The following PKIB variants were observed in gnomAD, a reference collection of about 807,000 sequenced individuals.
The protein encoded by PKIB is cAMP-dependent protein kinase inhibitor beta.
A neutral mutation model predicts 4.5 loss-of-function variants in PKIB; 2 were observed. The observed-to-expected ratio is 0.44, with a 90% CI of 0.18 to 1.39. The LOEUF (loss-of-function observed/expected upper bound fraction) is 1.39. Ranked by LOEUF, PKIB falls within the 40% of genes most tolerant of loss-of-function variation. The probability of loss-of-function intolerance (pLI) is 0.27; values close to 1 mark genes in which losing one functional copy is unlikely to be tolerated. For missense variants in PKIB, 94 were observed against 92.6 expected, an observed-to-expected ratio of 1.02 and a Z score of -0.06; for synonymous variants, 38 against 36.0, an observed-to-expected ratio of 1.06 and a Z score of -0.20.
At chr6:122,476,415 T>C (rs972811804) in intron 1 of PKIB, among the ~76,000 whole-genome samples, 3 of 152,162 alleles carry the variant, frequency 2.0e-5, no homozygotes, top group African/African-American at 7.2e-5. Context: ...TTGATAGTTT[T>C]GGAAAATAAT....
chr6:122,488,625 G>A lies in PKIB; in HGVS notation c.-248+10686G>A, dbSNP rs147230700. ...TTGTATTTTTTTTTTGTAGAAATGG[G>A]GTTTTGCCATGTTGCCCAGGCTGTT... On this transcript the variant is annotated intron_variant, in intron 2 of 6. Coordinates refer to the PKIB transcript ENST00000392491. Among the ~76,000 whole-genome samples the A allele has an allele frequency of 4.0e-4, 61 of 152,106 alleles. 1 individual carries two copies. Among genetic ancestry groups the A allele is most frequent in the African/African-American group, 1.3e-3 (53 of 41,486 alleles).
chr6:122,602,424 C>T (rs1774398424), intron 3 of PKIB, among the ~76,000 whole-genome samples: 1 of 152,156 alleles, frequency 6.6e-6, no homozygotes, highest in African/African-American at 2.4e-5. Flanking sequence ...ATCTTAGCCT[C>T]AATGTTCTGA....
At chr6:122,722,733 G>A (rs1426412753) in intron 4 of PKIB, among the ~76,000 whole-genome samples, 2 of 152,108 alleles carry the variant, frequency 1.3e-5, no homozygotes, top group African/African-American at 2.4e-5. Flanking sequence ...GATTGTTAGG[G>A]TGCAAATTCT....
In PKIB at chr6:122,589,734, T is replaced by A. The variant is rs979454001; in HGVS notation, c.-161+3727T>A. On this transcript the variant is annotated intron_variant, in intron 3 of 6. Transcript: ENST00000392491. ...CTCATGTTTCACAAAGCAGATAACA[T>A]AAATAAGTTATTGATATTTCATTAT... is the stretch of plus-strand genomic sequence containing the variant. 2.0e-5 allele frequency among the ~76,000 whole-genome samples: 3 copies of A among 151,964 alleles called. No homozygotes were observed. The East Asian group carries it at 5.8e-4, about 29-fold the overall frequency.
At chr6:122,495,191 A>G (rs1582657211) in intron 2 of PKIB, among the ~76,000 whole-genome samples, 1 of 152,120 alleles carries the variant, frequency 6.6e-6, no homozygotes, top group African/African-American at 2.4e-5. Flanking sequence ...GTAATAGACA[A>G]GGTTTAGCAC....
chr6:122,657,350 A>C (rs191268625), intron 2 of PKIB, among the ~76,000 whole-genome samples: 1 of 152,210 alleles, frequency 6.6e-6, no homozygotes, highest in Admixed American at 6.5e-5. Context: ...AAATGTGCAC[A>C]TTTTTTCAAA....
chr6:122,663,144 T>G (rs1399791613), intron 2 of PKIB, among the ~76,000 whole-genome samples: 3 of 152,298 alleles, frequency 2.0e-5, no homozygotes, highest in South Asian at 4.1e-4. Flanking sequence ...GATCATGAGA[T>G]GACACCTAAA....
intron 2 of PKIB, among the ~76,000 whole-genome samples, chr6:122,579,842 C>T (rs1290671454): frequency 6.6e-6 from 1 of 152,124 alleles, no homozygotes; most frequent in Non-Finnish European, 1.5e-5. Flanking sequence ...TTATCTGCAC[C>T]TTGACACAAT....
At chr6:122,702,390 C>T (rs920751653) in intron 3 of PKIB, among the ~76,000 whole-genome samples, 2 of 137,268 alleles carry the variant, frequency 1.5e-5, no homozygotes, top group East Asian at 4.4e-4. Flanking sequence ...AGTGCAGTGG[C>T]GTGACCTCGG....
intron 2 of PKIB, among the ~76,000 whole-genome samples, chr6:122,493,669 A>AC (rs1378527084): frequency 2.0e-5 from 3 of 152,084 alleles, no homozygotes; most frequent in Non-Finnish European, 4.4e-5. Flanking sequence ...TTCTTCCATG[A>AC]CCCTGTGAAC....
intron 1 of PKIB, among the ~76,000 whole-genome samples, chr6:122,631,514 TAAAC>T (rs754210267): frequency 3.3e-5 from 5 of 152,202 alleles, no homozygotes; most frequent in Non-Finnish European, 7.3e-5. Context: ...AATTTAGTGT[TAAAC>T]AAAGGAAGCA....
chr6:122,720,767 T>C (rs1385421582), intron 4 of PKIB, among the ~76,000 whole-genome samples: 2 of 152,098 alleles, frequency 1.3e-5, no homozygotes, highest in South Asian at 2.1e-4. Flanking sequence ...AATGGCGTCA[T>C]CTTGGTTCGC....
intron 1 of PKIB, among the ~76,000 whole-genome samples, chr6:122,477,052 T>C (rs1775466791): frequency 6.6e-6 from 1 of 152,216 alleles, no homozygotes; most frequent in South Asian, 2.1e-4. Context: ...ATGAAATTAA[T>C]TTTAAAGATG....
intron 3 of PKIB, chr6:122,701,500 G>T (rs1778811791): frequency 6.3e-7 from 1 of 1,596,512 alleles, no homozygotes; most frequent in Non-Finnish European, 8.5e-7. Context: ...GTCACACCAG[G>T]GTATAGTTAA....
intron 2 of PKIB, among the ~76,000 whole-genome samples, chr6:122,558,421 GTGGATTC>G (rs1772911321): frequency 6.6e-6 from 1 of 152,140 alleles, no homozygotes; most frequent in South Asian, 2.1e-4. Flanking sequence ...AGCAGCAATT[GTGGATTC>G]TACTAGTGAA....
At chr6:122,498,590 T>C (rs1338078205) in intron 2 of PKIB, among the ~76,000 whole-genome samples, 3 of 152,236 alleles carry the variant, frequency 2.0e-5, no homozygotes, top group African/African-American at 7.2e-5. Context: ...GGAAAGTTTA[T>C]AGCATTAAAT....
intron 2 of PKIB, among the ~76,000 whole-genome samples, chr6:122,553,371 A>G (rs1465961177): frequency 6.6e-6 from 1 of 151,926 alleles, no homozygotes; most frequent in East Asian, 1.9e-4. Context: ...TTCAGGGTCC[A>G]CAAAGCCGAT....
chr6:122,640,914 G>A (rs756140066), intron 2 of PKIB, among the ~76,000 whole-genome samples: 13 of 151,704 alleles, frequency 8.6e-5, no homozygotes, highest in African/African-American at 1.7e-4. Context: ...TTTTTTATTC[G>A]TGTAATTCAT....
chr6:122,562,004 G>GTTTTTTTTTTTTTTTT lies in PKIB; in HGVS notation c.-247-23902_-247-23901insTTTTTTTTTTTTTTTT, dbSNP rs758656278. Reference sequence around the variant, plus strand: ...TTTTTGTTTGTTTTTGTTTTTTTTTGTTTTTTTTTTTTTTTGCTTTTTAAC... The same window carrying GTTTTTTTTTTTTTTTT: ...TTTTTGTTTGTTTTTGTTTTTTTTTGTTTTTTTTTTTTTTTTTTTTTTTTTTTTTTTGCTTTTTAAC... On this transcript the variant is annotated intron_variant, in intron 2 of 6. Transcript: ENST00000392491. Among the ~76,000 whole-genome samples the GTTTTTTTTTTTTTTTT allele has an allele frequency of 3.1e-3, 245 of 79,410 alleles. 3 individuals are homozygous for GTTTTTTTTTTTTTTTT. Among genetic ancestry groups the GTTTTTTTTTTTTTTTT allele is most frequent in the Middle Eastern group, 0.018 (2 of 110 alleles). 52.1% of individuals were successfully genotyped at this position (79,410 alleles called of 152,430 possible).
Sources: gnomAD v4.1 joint callset for allele counts (sites outside exome capture counted in the v4.1 genomes callset) on GRCh38, gnomAD v4.1.1 for gene constraint, MANE v1.5 for transcripts, NCBI Gene and HGNC (gene_info 2026-07-23, HGNC 2026-07-21) for gene names.